The following IL10RA variants were observed in gnomAD, a reference collection of about 807,000 sequenced individuals.
IL10RA encodes interleukin 10 receptor subunit alpha.
Under a neutral mutation model 29.6 loss-of-function variants are expected in IL10RA, and 18 were observed. The ratio of observed to expected loss-of-function variants is 0.61; its 90% CI spans 0.42 to 0.90. IL10RA has a LOEUF of 0.90. IL10RA is among the 40% of genes least tolerant of loss of function. IL10RA has a pLI of 0.00. For synonymous variants in IL10RA, 292 were observed against 294.1 expected, an observed-to-expected ratio of 0.99 and a Z score of 0.07; for missense variants, 634 against 716.6, an observed-to-expected ratio of 0.88 and a Z score of 1.32.
At position 117,986,535 on chromosome 11, in the gene IL10RA, G is replaced by A. The variant is rs2057987740; in HGVS notation, c.67+1G>A. On this transcript the variant is annotated splice_donor_variant, in intron 1 of 6. Transcript: ENST00000227752. LOFTEE classifies it high-confidence loss of function. Reference sequence around the variant, plus strand: ...CTCCGTCTTGGCTCAGACGCTCATGGTAAGGCTCCGGGACGCGGCCCTTCC... The same window carrying A: ...CTCCGTCTTGGCTCAGACGCTCATGATAAGGCTCCGGGACGCGGCCCTTCC... The A allele has an allele frequency of 1.3e-6, 2 of 1,553,554 alleles. No homozygotes were observed. Among genetic ancestry groups the A allele is most frequent in the South Asian group, 1.2e-5 (1 of 84,192 alleles).
chr11:117,999,626 G>A lies in IL10RA; in HGVS notation c.1722G>A (p.Leu574=), dbSNP rs747902722. The A allele has an allele frequency of 6.2e-7, 1 of 1,613,918 alleles. No individual in the cohort carries two copies. Among genetic ancestry groups the A allele is most frequent in the South Asian group, 1.1e-5 (1 of 91,086 alleles). The change falls in exon 7 of 7, where the codon CTG becomes CTA. Residue 574 remains leucine, a synonymous_variant. Transcript: ENST00000227752. ...TCACCCTGCCCCTCATCTCTAGCCT[G>A]CAGTCAAGTGAGTGACTCGGGCTGA... ...DLVTLPLISS[L]QSSE is the part of the protein sequence containing the mutation.
At position 117,989,302 on chromosome 11, in the gene IL10RA, G is replaced by A. The variant is rs2058007371; in HGVS notation, c.189-140G>A. On this transcript the variant is annotated intron_variant, in intron 2 of 6. Coordinates refer to ENST00000227752, the MANE Select transcript of IL10RA (RefSeq NM_001558.4). The surrounding 1 kb of genome is among the most constrained non-coding windows in gnomAD (Gnocchi z 4.5). ...GGGAGACCCCTCACAATGAGCTGCCGTGGACTAGAGGATATAGCCTGAGGG... is the reference window on the plus strand; with the variant it reads ...GGGAGACCCCTCACAATGAGCTGCCATGGACTAGAGGATATAGCCTGAGGG... 7 of 791,660 alleles carry A rather than the reference G, an allele frequency of 8.8e-6. No individual in the cohort carries two copies. The highest frequency in any genetic ancestry group is 1.4e-5 in the South Asian group (1 of 71,296). The allele number at this position is 791,660 out of a possible 1,614,324, so 49.0% of individuals were successfully genotyped here.
In IL10RA at chr11:117,989,474, A is replaced by G. The variant is rs201387463; in HGVS notation, c.221A>G (p.Asn74Ser). 1 of 1,614,066 alleles carries G rather than the reference A, an allele frequency of 6.2e-7. No homozygotes were observed. The highest frequency in any genetic ancestry group is 1.1e-5 in the South Asian group (1 of 91,090). The change falls in exon 3 of 7, where the codon AAC becomes AGC. Residue 74 changes from asparagine to serine, a missense_variant. Asn to Ser is a conservative substitution (Grantham distance 46, BLOSUM62 1). Coordinates refer to ENST00000227752, the MANE Select transcript of IL10RA (RefSeq NM_001558.4). The surrounding 1 kb of genome is among the most constrained non-coding windows in gnomAD (Gnocchi z 4.5). ...ATAGAGTCCTGGAACTCCATCTCCA[A>G]CTGTAGCCAGACCCTGTCCTATGAC... Reference protein sequence around the residue: ...YGIESWNSISNCSQTLSYDLT... With the variant: ...YGIESWNSISSCSQTLSYDLT...
chr11:117,988,082 G>A, intron 1 of IL10RA: 1 of 447,558 alleles, frequency 2.2e-6, no homozygotes, highest in Non-Finnish European at 4.2e-6. Flanking sequence ...AGAGCTCATT[G>A]CCAACTTGCT....
At position 117,989,992 on chromosome 11, in the gene IL10RA, C is replaced by T. The variant is rs1276544195; in HGVS notation, c.367+372C>T. ...GTAGGCAGAATTTGGGTGAACGCCC[C>T]GCTTCTTTAGGGGTGAACACCCAGG... On this transcript the variant is annotated intron_variant, in intron 3 of 6. Coordinates refer to ENST00000227752, the MANE Select transcript of IL10RA (RefSeq NM_001558.4). This position sits in a 1 kb window ranked among gnomAD's most constrained non-coding sequence, Gnocchi z 4.5. Among the ~76,000 whole-genome samples, 5 of 152,040 alleles carry T rather than the reference C, an allele frequency of 3.3e-5. No individual in the cohort carries two copies. The highest frequency in any genetic ancestry group is 2.1e-4 in the South Asian group (1 of 4,820).
At chr11:117,994,423 G>A (rs1025136640) in intron 5 of IL10RA, among the ~76,000 whole-genome samples, 7 of 152,150 alleles carry the variant, frequency 4.6e-5, no homozygotes, top group Admixed American at 1.3e-4. Context: ...GGAGCACAGC[G>A]GTGTTTCCCA....
chr11:117,993,461 C>T, intron 4 of IL10RA, 51 bp downstream of exon 4: 3 of 1,527,538 alleles, frequency 2.0e-6, no homozygotes, highest in Non-Finnish European at 2.7e-6. Context: ...GCTTCCCTGT[C>T]CCCTGGGCTG....
Position 117,999,623 on chromosome 11 carries a change from C to T in IL10RA, c.1719C>T (p.Ser573=). The T allele has an allele frequency of 6.2e-7, 1 of 1,614,036 alleles. No homozygotes were observed. The highest frequency in any genetic ancestry group is 8.5e-7 in the Non-Finnish European group (1 of 1,179,922). Residue 573 remains serine (S), a synonymous_variant, in exon 7 of 7, where the codon AGC becomes AGT. Transcript: ENST00000227752. ...TGGTCACCCTGCCCCTCATCTCTAG[C>T]CTGCAGTCAAGTGAGTGACTCGGGC... The part of the protein sequence containing the change: ...SDLVTLPLIS[S]LQSSE
intron 3 of IL10RA, among the ~76,000 whole-genome samples, chr11:117,990,323 T>G (rs1036786992): frequency 3.3e-5 from 5 of 151,250 alleles, no homozygotes; most frequent in Non-Finnish European, 5.9e-5. Context: ...TCAGACCAAC[T>G]GTGTCTTGAA....
rs1591266369 is a variant in IL10RA at position 117,999,073 on chromosome 11, A to T, written c.1169A>T (p.Gln390Leu). The change falls in exon 7 of 7, where the codon CAG becomes CTG. Residue 390 changes from glutamine to leucine, a missense_variant. Coordinates refer to ENST00000227752, the MANE Select transcript of IL10RA (RefSeq NM_001558.4). ...SPSTGPTWEQ[Q>L]VGSNSRGQDD... ...AGCACAGGGCCCACCTGGGAGCAAC[A>T]GGTGGGGAGCAACAGCAGGGGCCAG... 6.2e-7 allele frequency: 1 copy of T among 1,611,394 alleles called. No individual in the cohort carries two copies. The highest frequency in any genetic ancestry group is 8.5e-7 in the Non-Finnish European group (1 of 1,177,754).
intron 1 of IL10RA, chr11:117,988,074 A>C (rs539421131): frequency 3.5e-5 from 15 of 433,680 alleles, no homozygotes; most frequent in Non-Finnish European, 6.1e-5. Flanking sequence ...CACATCTGAG[A>C]GCTCATTGCC....
downstream of IL10RA, chr11:118,002,442 G>A (rs1565376001): frequency 6.6e-6 from 1 of 152,344 alleles, no homozygotes; most frequent in East Asian, 1.9e-4. Context: ...TTGCCCTAGA[G>A]CCCTCCTTGT....
chr11:117,989,317 T>G lies in IL10RA; in HGVS notation c.189-125T>G. On this transcript the variant is annotated intron_variant, in intron 2 of 6. Coordinates refer to ENST00000227752, the MANE Select transcript of IL10RA (RefSeq NM_001558.4). The surrounding 1 kb of genome is among the most constrained non-coding windows in gnomAD (Gnocchi z 4.5). Reference sequence around the variant, plus strand: ...ATGAGCTGCCGTGGACTAGAGGATATAGCCTGAGGGCTGTCCCAGTTTCTC... The same window carrying G: ...ATGAGCTGCCGTGGACTAGAGGATAGAGCCTGAGGGCTGTCCCAGTTTCTC... 1 of 871,724 alleles carries G rather than the reference T, an allele frequency of 1.1e-6. No homozygotes were observed. The highest frequency in any genetic ancestry group is 1.9e-6 in the Non-Finnish European group (1 of 512,990). The allele number at this position is 871,724 out of a possible 1,614,324, so 54.0% of individuals were successfully genotyped here. A position where few individuals can be genotyped will look rare whatever the true frequency, so the allele number is the denominator to read the frequency against.
chr11:117,997,377 G>A (rs889760038), intron 6 of IL10RA, among the ~76,000 whole-genome samples: 2 of 152,190 alleles, frequency 1.3e-5, no homozygotes, highest in Non-Finnish European at 2.9e-5. Context: ...TTACAGATGA[G>A]GAACTAAAGC....
In IL10RA at chr11:117,986,418, G is replaced by A. The variant is rs762979589; in HGVS notation, c.-50G>A. Reference sequence around the variant, plus strand: ...CAGTCCCAGCCCAAGGGTAGCTGGAGGCGCGCAGGCCGGCTCCGCTCCGGC... The same window carrying A: ...CAGTCCCAGCCCAAGGGTAGCTGGAAGCGCGCAGGCCGGCTCCGCTCCGGC... On this transcript the variant is annotated 5_prime_UTR_variant, in exon 1 of 7. Transcript: ENST00000227752. 2.0e-6 allele frequency: 3 copies of A among 1,527,604 alleles called. No individual in the cohort carries two copies. The highest frequency in any genetic ancestry group is 2.4e-5 in the South Asian group (2 of 83,484). The allele number at this position is 1,527,604 out of a possible 1,614,324, so 94.6% of individuals were successfully genotyped here. A position where few individuals can be genotyped will look rare whatever the true frequency, so the allele number is the denominator to read the frequency against.
chr11:117,993,015 G>C (rs4252306), intron 3 of IL10RA: 41,556 of 559,454 alleles, frequency 0.074, 3,386 homozygotes, highest in East Asian at 0.37. Flanking sequence ...TTTCTGGGCT[G>C]TCCATCATAT....
chr11:117,990,526 G>T (rs536451869), intron 3 of IL10RA, among the ~76,000 whole-genome samples: 1 of 152,150 alleles, frequency 6.6e-6, no homozygotes, highest in Non-Finnish European at 1.5e-5. Context: ...ATTTACAAAG[G>T]TGTGATATGT....
At position 117,989,795 on chromosome 11, in the gene IL10RA, C is replaced by A; in HGVS notation, c.367+175C>A. 1.4e-6 allele frequency: 1 copy of A among 699,136 alleles called. No individual in the cohort carries two copies. The highest frequency in any genetic ancestry group is 2.5e-6 in the Non-Finnish European group (1 of 398,552). The allele number at this position is 699,136 out of a possible 1,614,324, so 43.3% of individuals were successfully genotyped here. A position where few individuals can be genotyped will look rare whatever the true frequency, so the allele number is the denominator to read the frequency against. On this transcript the variant is annotated intron_variant, in intron 3 of 6. Coordinates refer to ENST00000227752, the MANE Select transcript of IL10RA (RefSeq NM_001558.4). This position sits in a 1 kb window ranked among gnomAD's most constrained non-coding sequence, Gnocchi z 4.5. ...TGGAGAATGTTAGATAAAAATAGCC[C>A]AAGTTGTTTGAGATTTAAAAGGGAA...
intron 2 of IL10RA, among the ~76,000 whole-genome samples, chr11:117,988,959 C>A (rs1431103854): frequency 6.6e-6 from 1 of 152,142 alleles, no homozygotes; most frequent in Non-Finnish European, 1.5e-5. Context: ...CGGGTTTTCA[C>A]CATGTTGGCC....
Sources: gnomAD v4.1 joint callset for allele counts (sites outside exome capture counted in the v4.1 genomes callset) on GRCh38, gnomAD v4.1.1 for gene constraint, Gnocchi (gnomAD v3.1) non-coding constraint, MANE v1.5 for transcripts, NCBI Gene and HGNC (gene_info 2026-07-23, HGNC 2026-07-21) for gene names.